ERI1: variants seen among roughly 807,000 people sequenced by gnomAD.
ERI1 encodes 3'-5' exoribonuclease 1.
A neutral mutation model predicts 39.7 loss-of-function variants in ERI1; 39 were observed. The observed-to-expected ratio is 0.98, with a 90% CI of 0.76 to 1.28. The LOEUF is 1.28. Among genes scored for constraint, ERI1 ranks in the 50% most tolerant of loss-of-function variants. ERI1 has a pLI of 0.00. For synonymous variants in ERI1, 204 were observed against 149.6 expected, an observed-to-expected ratio of 1.36 and a Z score of -2.65; for missense variants, 581 against 416.9, an observed-to-expected ratio of 1.39 and a Z score of -3.43.
intron 6 of ERI1, among the ~76,000 whole-genome samples, chr8:9,022,950 A>G (rs925256319): frequency 6.6e-6 from 1 of 152,210 alleles, no homozygotes; most frequent in Non-Finnish European, 1.5e-5. Flanking sequence ...TCCAAAAGCT[A>G]AGGGTCATTT....
At chr8:9,078,218 G>T (rs1238585317) in intron 3 of ERI1, among the ~76,000 whole-genome samples, 1 of 152,140 alleles carries the variant, frequency 6.6e-6, no homozygotes, top group Non-Finnish European at 1.5e-5. Context: ...CTGAACTGCT[G>T]ACCTCAAGCA....
At chr8:9,045,095 G>C (rs1240168788) in intron 3 of ERI1, among the ~76,000 whole-genome samples, 1 of 151,862 alleles carries the variant, frequency 6.6e-6, no homozygotes, top group Non-Finnish European at 1.5e-5. Context: ...AATTAGCTGG[G>C]CGTAGTGGCG....
intron 3 of ERI1, chr8:9,062,816 C>G (rs1474080770): frequency 6.6e-6 from 1 of 151,836 alleles, no homozygotes; most frequent in East Asian, 2.0e-4. Flanking sequence ...TCAGTGGGGT[C>G]TCGCTCAGAT....
intron 3 of ERI1, among the ~76,000 whole-genome samples, chr8:9,038,735 T>C (rs973494524): frequency 2.0e-5 from 3 of 152,254 alleles, no homozygotes; most frequent in African/African-American, 7.2e-5. Context: ...CGTAAGGATG[T>C]GTGAAGTTTC....
intron 3 of ERI1, among the ~76,000 whole-genome samples, chr8:9,058,193 G>A (rs1481343428): frequency 1.3e-5 from 2 of 152,214 alleles, no homozygotes; most frequent in African/African-American, 2.4e-5. Context: ...GAGCCCTCAC[G>A]TGGCCCTGGA....
At chr8:9,098,618 A>C (rs142927818) in intron 3 of ERI1, among the ~76,000 whole-genome samples, 1 of 152,286 alleles carries the variant, frequency 6.6e-6, no homozygotes, top group Non-Finnish European at 1.5e-5. Flanking sequence ...CCTTGGGTAC[A>C]GTGTACACTG....
At chr8:9,036,690 CATTT>C (rs1797855249), downstream of ERI1, among the ~76,000 whole-genome samples, 2 of 151,684 alleles carry the variant, frequency 1.3e-5, no homozygotes, top group Admixed American at 1.3e-4. Flanking sequence ...GAATACAAGT[CATTT>C]TTTTTTTCTA....
chr8:9,073,172 C>G (rs1046699015), intron 3 of ERI1, among the ~76,000 whole-genome samples: 20 of 152,206 alleles, frequency 1.3e-4, no homozygotes, highest in African/African-American at 4.8e-4. Context: ...GGCCTCATGC[C>G]TTCGGCTTTG....
intron 2 of ERI1, among the ~76,000 whole-genome samples, chr8:9,009,434 A>C (rs1382525537): frequency 6.6e-6 from 1 of 151,996 alleles, no homozygotes; most frequent in African/African-American, 2.4e-5. Flanking sequence ...AATAACAGAA[A>C]CTTTTCTAAT....
intron 3 of ERI1, among the ~76,000 whole-genome samples, chr8:9,092,013 G>C (rs1351399163): frequency 6.6e-6 from 1 of 152,202 alleles, no homozygotes; most frequent in Non-Finnish European, 1.5e-5. Context: ...CTGGAGTGCA[G>C]TGGTGCAATC....
intron 1 of ERI1, chr8:9,004,140 C>A (rs73195791): frequency 7.8e-7 from 1 of 1,289,154 alleles, no homozygotes; most frequent in Non-Finnish European, 1.0e-6. Flanking sequence ...CTGTATGTTC[C>A]TTTTGCCCTG....
In ERI1 at chr8:9,027,085, A is replaced by G. The variant is rs186381138; in HGVS notation, c.808-2707A>G. Among the ~76,000 whole-genome samples, 334 of 152,076 alleles carry G rather than the reference A, an allele frequency of 2.2e-3. 1 individual carries two copies. Among genetic ancestry groups the G allele is most frequent in the Non-Finnish European group, 4.2e-3 (285 of 67,986 alleles). On this transcript the variant is annotated intron_variant, in intron 6 of 6. Coordinates refer to ENST00000250263, the MANE Select transcript of ERI1 (RefSeq NM_153332.4). ...GTACCATTTTACATTCCTGCCAGCA[A>G]TGCACAAAGTACTACATTCTCCACA...
At chr8:9,010,310 A>G (rs917733744) in intron 2 of ERI1, among the ~76,000 whole-genome samples, 1 of 152,164 alleles carries the variant, frequency 6.6e-6, no homozygotes, top group Non-Finnish European at 1.5e-5. Flanking sequence ...CCCCACAACA[A>G]TAACAACCAA....
chr8:9,027,759 T>C (rs988995830), intron 6 of ERI1, among the ~76,000 whole-genome samples: 2 of 152,226 alleles, frequency 1.3e-5, no homozygotes, highest in African/African-American at 4.8e-5. Flanking sequence ...ATTGATTCAA[T>C]GTATTTGTGA....
intron 3 of ERI1, among the ~76,000 whole-genome samples, chr8:9,070,611 C>G (rs1042333524): frequency 6.6e-6 from 1 of 152,188 alleles, no homozygotes; most frequent in Non-Finnish European, 1.5e-5. Flanking sequence ...TACTTATTCA[C>G]CCACGGAACA....
chr8:9,098,886 T>A (rs1799962449), intron 3 of ERI1, among the ~76,000 whole-genome samples: 2 of 152,172 alleles, frequency 1.3e-5, no homozygotes, highest in Admixed American at 1.3e-4. Flanking sequence ...CAGACTGGAG[T>A]GCAGTGGTGC....
At position 9,031,573 on chromosome 8, in the gene ERI1, C is replaced by G. The variant is rs1325660701; in HGVS notation, c.*1539C>G. On this transcript the variant is annotated 3_prime_UTR_variant, in exon 7 of 7. Coordinates refer to ENST00000250263, the MANE Select transcript of ERI1 (RefSeq NM_153332.4). The stretch of plus-strand genomic sequence containing the variant: ...CTGTACAATAACCTGTAAAGTATTA[C>G]TGAATACTGAATAGCTGAAACTGCA... 1.3e-5 allele frequency: 2 copies of G among 152,156 alleles called. No homozygotes were observed. The highest frequency in any genetic ancestry group is 2.1e-4 in the South Asian group (1 of 4,828). The allele number at this position is 152,156 out of a possible 1,614,324, so 9.4% of individuals were successfully genotyped here.
chr8:9,049,308 C>CCT (rs1798277537), intron 3 of ERI1, among the ~76,000 whole-genome samples: 2 of 122,784 alleles, frequency 1.6e-5, no homozygotes, highest in East Asian at 4.8e-4. Flanking sequence ...TGTACTCCAG[C>CCT]CTGGGCGACA....
At chr8:9,064,317 AC>A (rs1798800143) in intron 3 of ERI1, among the ~76,000 whole-genome samples, 1 of 151,884 alleles carries the variant, frequency 6.6e-6, no homozygotes, top group Admixed American at 6.6e-5. Flanking sequence ...GGGTTCTTGC[AC>A]CCCAGAAAAG....
Sources: allele counts gnomAD v4.1 joint callset (sites outside exome capture counted in the v4.1 genomes callset), GRCh38; gene constraint gnomAD v4.1.1; transcripts MANE v1.5; gene names NCBI Gene and HGNC (gene_info 2026-07-23, HGNC 2026-07-21).